SCD5: variants seen among roughly 807,000 people sequenced by gnomAD.
The protein encoded by SCD5 is stearoyl-CoA desaturase 5.
SCD5 carries 20 observed loss-of-function variants against 30.4 expected under a neutral mutation model. That is an observed-to-expected ratio of 0.66 (90% CI 0.46 to 0.96). The LOEUF is 0.96. Ranked by LOEUF, SCD5 falls within the 40% of genes least tolerant of loss-of-function variation. The pLI is 0.00. For synonymous variants in SCD5, 173 were observed against 176.4 expected (o/e 0.98, Z 0.16); for missense variants, 381 against 443.3 (o/e 0.86, Z 1.26).
At chr4:82,748,127 C>T (rs1332398508) in intron 1 of SCD5, among the ~76,000 whole-genome samples, 1 of 152,152 alleles carries the variant, frequency 6.6e-6, no homozygotes, top group Non-Finnish European at 1.5e-5. Flanking sequence ...TTAATCAGTT[C>T]CTTGAGCCCA....
At chr4:82,769,818 C>CT (rs1462302786) in intron 1 of SCD5, among the ~76,000 whole-genome samples, 1 of 152,042 alleles carries the variant, frequency 6.6e-6, no homozygotes, top group East Asian at 1.9e-4. Flanking sequence ...AGGGGGTCAA[C>CT]TGTAAATAGA....
At chr4:82,790,038 C>T (rs1330509602) in intron 1 of SCD5, among the ~76,000 whole-genome samples, 1 of 152,092 alleles carries the variant, frequency 6.6e-6, no homozygotes, top group Admixed American at 6.5e-5. Flanking sequence ...AGACTTTATT[C>T]CAAGCCTCCC....
At chr4:82,708,620 T>C (rs1720015139) in intron 1 of SCD5, among the ~76,000 whole-genome samples, 1 of 152,196 alleles carries the variant, frequency 6.6e-6, no homozygotes, top group Non-Finnish European at 1.5e-5. Context: ...CAGAGCTCCT[T>C]TGGCTTCTGT....
intron 2 of SCD5, among the ~76,000 whole-genome samples, chr4:82,698,450 G>T (rs985018535): frequency 6.6e-6 from 1 of 152,174 alleles, no homozygotes; most frequent in Admixed American, 6.5e-5. Context: ...TCCTGAAACA[G>T]GCACAAACTC....
intron 1 of SCD5, among the ~76,000 whole-genome samples, chr4:82,734,769 T>C (rs1186113419): frequency 1.0e-4 from 15 of 149,980 alleles, no homozygotes; most frequent in African/African-American, 2.9e-4. Flanking sequence ...GAGCTCAATT[T>C]TTTTTTTTTT....
intron 3 of SCD5, among the ~76,000 whole-genome samples, chr4:82,642,283 T>C (rs1361378555): frequency 1.3e-5 from 2 of 152,178 alleles, no homozygotes; most frequent in African/African-American, 2.4e-5. Context: ...CTGATGCCTC[T>C]AGTATAACCT....
chr4:82,707,121 T>C (rs1405186361), intron 1 of SCD5, among the ~76,000 whole-genome samples: 1 of 152,254 alleles, frequency 6.6e-6, no homozygotes, highest in Non-Finnish European at 1.5e-5. Flanking sequence ...GGATGCTTAC[T>C]AGCTGCATCT....
At chr4:82,797,482 G>C (rs1181549161) in intron 1 of SCD5, among the ~76,000 whole-genome samples, 1 of 151,522 alleles carries the variant, frequency 6.6e-6, no homozygotes, top group Non-Finnish European at 1.5e-5. Flanking sequence ...GAAGGGGAAT[G>C]GTGGTCGGCG....
intron 1 of SCD5, among the ~76,000 whole-genome samples, chr4:82,734,543 C>T (rs1021044105): frequency 6.6e-6 from 1 of 152,158 alleles, no homozygotes; most frequent in Non-Finnish European, 1.5e-5. Context: ...TAAGGGTTTA[C>T]CTTTTTTCTG....
chr4:82,661,985 C>G (rs149660093), intron 3 of SCD5, among the ~76,000 whole-genome samples: 109 of 152,082 alleles, frequency 7.2e-4, no homozygotes, highest in African/African-American at 2.5e-3. Flanking sequence ...TTCTCTCCAA[C>G]AAAAAAGGAG....
intron 3 of SCD5, among the ~76,000 whole-genome samples, chr4:82,670,597 T>C (rs1249615285): frequency 6.6e-6 from 1 of 151,724 alleles, no homozygotes; most frequent in Non-Finnish European, 1.5e-5. Flanking sequence ...TTGGATGGAA[T>C]AGTAACAAAT....
chr4:82,662,852 C>T (rs1363207148), intron 3 of SCD5, among the ~76,000 whole-genome samples: 2 of 133,818 alleles, frequency 1.5e-5, no homozygotes, highest in Non-Finnish European at 3.2e-5. Flanking sequence ...GAGCAAACTC[C>T]GTCTCAAAAA....
chr4:82,713,179 A>G (rs556635782), intron 1 of SCD5, among the ~76,000 whole-genome samples: 57 of 152,280 alleles, frequency 3.7e-4, no homozygotes, highest in African/African-American at 1.3e-3. Flanking sequence ...TGACAAGGGG[A>G]TAGAACAGGA....
chr4:82,758,971 T>C (rs1013850133), intron 1 of SCD5, among the ~76,000 whole-genome samples: 1 of 152,186 alleles, frequency 6.6e-6, no homozygotes, highest in Non-Finnish European at 1.5e-5. Context: ...AGGCACACCC[T>C]GACTCAAGCC....
At chr4:82,665,231 CAA>C (rs35422547) in intron 3 of SCD5, among the ~76,000 whole-genome samples, 27,439 of 71,068 alleles carry the variant, frequency 0.39, 2,613 homozygotes, top group East Asian at 0.47. Context: ...GACCCTGTCT[CAA>C]AAAAAAAAAA....
chr4:82,655,254 C>T (rs544846118), intron 3 of SCD5, among the ~76,000 whole-genome samples: 1 of 152,320 alleles, frequency 6.6e-6, no homozygotes, highest in East Asian at 1.9e-4. Context: ...CCATACCCCT[C>T]ATTATGGAAA....
chr4:82,711,982 C>A (rs1720098818), intron 1 of SCD5, among the ~76,000 whole-genome samples: 1 of 151,052 alleles, frequency 6.6e-6, no homozygotes, highest in South Asian at 2.1e-4. Flanking sequence ...TTCATGTGCC[C>A]TATAATAATA....
At chr4:82,717,654 G>A (rs6850821) in intron 1 of SCD5, among the ~76,000 whole-genome samples, 2,570 of 151,714 alleles carry the variant, frequency 0.017, 108 homozygotes, top group African/African-American at 0.06. Context: ...AGTGGCTCAC[G>A]CCTGTAATCC....
intron 1 of SCD5, among the ~76,000 whole-genome samples, chr4:82,797,464 G>T (rs1199020242): frequency 1.3e-5 from 2 of 152,000 alleles, no homozygotes; most frequent in Non-Finnish European, 2.9e-5. Flanking sequence ...AGTCCCTGGG[G>T]CCCAGGGGAA....
Sources: gnomAD v4.1 joint callset for allele counts (sites outside exome capture counted in the v4.1 genomes callset) on GRCh38, gnomAD v4.1.1 for gene constraint, MANE v1.5 for transcripts, NCBI Gene and HGNC (gene_info 2026-07-23, HGNC 2026-07-21) for gene names.